L3MBTL3: variants seen among roughly 807,000 people sequenced by gnomAD.
L3MBTL3 encodes L3MBTL histone methyl-lysine binding protein 3.
In L3MBTL3, 27 loss-of-function variants were observed where a neutral mutation model predicts 102.3. The ratio of observed to expected loss-of-function variants is 0.26; its 90% CI spans 0.19 to 0.36. The LOEUF (loss-of-function observed/expected upper bound fraction) is 0.36. Among genes scored for constraint, L3MBTL3 ranks in the 10% least tolerant of loss-of-function variants. The pLI, the probability that L3MBTL3 is intolerant of heterozygous loss-of-function variation, is 1.00. For missense variants in L3MBTL3, 798 were observed against 955.3 expected (o/e 0.84, Z 2.17); for synonymous variants, 340 against 320.9 (o/e 1.06, Z -0.64).
chr6:130,059,623 A>G (rs970106447), intron 9 of L3MBTL3, among the ~76,000 whole-genome samples: 2 of 152,204 alleles, frequency 1.3e-5, no homozygotes, highest in Non-Finnish European at 2.9e-5. Context: ...GATTGATTTT[A>G]TGAAATTGCT....
chr6:130,066,494 G>A lies in L3MBTL3; in HGVS notation c.1000+6G>A. The A allele has an allele frequency of 8.1e-6, 13 of 1,604,838 alleles. No individual in the cohort carries two copies. The highest frequency in any genetic ancestry group is 1.0e-5 in the Non-Finnish European group (12 of 1,176,236). On this transcript the variant is annotated splice_donor_region_variant and intron_variant, in intron 11 of 22. Transcript: ENST00000361794. Reference sequence around the variant, plus strand: ...CAAACTCCATCCTCCAAAAGGTTTTGTCACTTTTTGTTTGATATTTTAAAT... The same window carrying A: ...CAAACTCCATCCTCCAAAAGGTTTTATCACTTTTTGTTTGATATTTTAAAT...
chr6:130,111,379 C>T (rs758694308), intron 19 of L3MBTL3, among the ~76,000 whole-genome samples: 9 of 152,138 alleles, frequency 5.9e-5, no homozygotes, highest in Non-Finnish European at 1.2e-4. Flanking sequence ...GTTAATTCCC[C>T]AGCACATCCT....
At chr6:130,053,541 A>C (rs1466275877) in intron 7 of L3MBTL3, among the ~76,000 whole-genome samples, 1 of 151,586 alleles carries the variant, frequency 6.6e-6, no homozygotes, top group Non-Finnish European at 1.5e-5. Flanking sequence ...AGGCTGAGGC[A>C]GGAGAATGGC....
rs532949548 is a variant in L3MBTL3 at position 130,081,309 on chromosome 6, A to G, written c.1322-2311A>G. Among the ~76,000 whole-genome samples the G allele has an allele frequency of 1.3e-4, 20 of 152,286 alleles. No homozygotes were observed. In the South Asian group the frequency reaches 4.1e-3, roughly 32 times the overall value. ...TCACACACATGCATGCGTACACCTCAGTTTGTTTCATTTAGTAGAATGTTC... is the reference window on the plus strand; with the variant it reads ...TCACACACATGCATGCGTACACCTCGGTTTGTTTCATTTAGTAGAATGTTC... On this transcript the variant is annotated intron_variant, in intron 14 of 22. Transcript: ENST00000361794.
intron 19 of L3MBTL3, 30 bp downstream of exon 19, chr6:130,104,605 T>G (rs1428655461): frequency 3.4e-6 from 5 of 1,456,054 alleles, no homozygotes. Flanking sequence ...TAGCATTGTT[T>G]AGAAGTACTC....
chr6:130,064,760 C>G (rs1483757372), intron 10 of L3MBTL3, among the ~76,000 whole-genome samples: 2 of 151,972 alleles, frequency 1.3e-5, no homozygotes, highest in African/African-American at 4.8e-5. Flanking sequence ...TGACTGTGGG[C>G]AAGGAGGGTG....
chr6:130,053,078 T>A (rs1012921048), intron 7 of L3MBTL3, 87 bp downstream of exon 7: 6 of 1,008,286 alleles, frequency 6.0e-6, no homozygotes, highest in Non-Finnish European at 9.1e-6. Flanking sequence ...TGGAGCCCAC[T>A]GAGTTCAAAT....
At chr6:130,105,316 A>G (rs1784919707) in intron 19 of L3MBTL3, among the ~76,000 whole-genome samples, 1 of 152,334 alleles carries the variant, frequency 6.6e-6, no homozygotes, top group African/African-American at 2.4e-5. Flanking sequence ...ATTTAAATCA[A>G]TGCATTGTCA....
chr6:130,061,430 C>G (rs1338468379), intron 10 of L3MBTL3, among the ~76,000 whole-genome samples: 1 of 152,178 alleles, frequency 6.6e-6, no homozygotes, highest in Non-Finnish European at 1.5e-5. Context: ...AGGCAGAACC[C>G]TTTCCCTCCC....
chr6:130,096,143 G>A (rs367545811), intron 18 of L3MBTL3, among the ~76,000 whole-genome samples: 2 of 152,116 alleles, frequency 1.3e-5, no homozygotes, highest in African/African-American at 2.4e-5. Flanking sequence ...GAGGCCACGG[G>A]GGGTACTGGG....
At chr6:130,028,425 A>T (rs1779493823) in intron 2 of L3MBTL3, among the ~76,000 whole-genome samples, 1 of 152,200 alleles carries the variant, frequency 6.6e-6, no homozygotes, top group South Asian at 2.1e-4. Flanking sequence ...ATTAGTTCAC[A>T]CTCAGGTGTC....
intron 18 of L3MBTL3, 81 bp downstream of exon 18, chr6:130,094,448 A>G: frequency 1.3e-6 from 1 of 752,816 alleles, no homozygotes; most frequent in East Asian, 3.1e-5. Flanking sequence ...TATATACTAA[A>G]TTGATGTGAA....
chr6:130,095,736 C>T (rs1784323667), intron 18 of L3MBTL3, among the ~76,000 whole-genome samples: 1 of 152,102 alleles, frequency 6.6e-6, no homozygotes, highest in Admixed American at 6.5e-5. Context: ...CAGCATATGG[C>T]GAGGGCTTTC....
At chr6:130,101,170 G>T (rs1422445893) in intron 18 of L3MBTL3, among the ~76,000 whole-genome samples, 1 of 152,080 alleles carries the variant, frequency 6.6e-6, no homozygotes, top group Non-Finnish European at 1.5e-5. Context: ...AGTCAAAGAT[G>T]GTGAAGACCT....
chr6:130,137,391 T>C (rs1582671469), intron 22 of L3MBTL3, among the ~76,000 whole-genome samples: 1 of 152,348 alleles, frequency 6.6e-6, no homozygotes, highest in South Asian at 2.1e-4. Context: ...TGGTCACTGT[T>C]GTTCTTAGGA....
At chr6:130,027,762 CAA>C (rs1446290508) in intron 2 of L3MBTL3, among the ~76,000 whole-genome samples, 5 of 152,070 alleles carry the variant, frequency 3.3e-5, no homozygotes, top group Admixed American at 6.5e-5. Context: ...TAAAAAAGAA[CAA>C]GAGAGTACTT....
At chr6:130,050,072 A>G (rs1219781051) in intron 5 of L3MBTL3, among the ~76,000 whole-genome samples, 1 of 152,044 alleles carries the variant, frequency 6.6e-6, no homozygotes, top group African/African-American at 2.4e-5. Flanking sequence ...TCTATCTATC[A>G]TCTTTGCCAT....
At chr6:130,111,219 G>A (rs9492456) in intron 19 of L3MBTL3, among the ~76,000 whole-genome samples, 15 of 152,272 alleles carry the variant, frequency 9.9e-5, no homozygotes, top group African/African-American at 3.1e-4. Flanking sequence ...TGTCACGCTG[G>A]TTACCACCAT....
chr6:130,121,028 G>T, intron 20 of L3MBTL3, 70 bp downstream of exon 20: 1 of 887,424 alleles, frequency 1.1e-6, no homozygotes, highest in South Asian at 1.6e-5. Flanking sequence ...GCCTTAACTG[G>T]AATACAACAG....
Sources: gnomAD v4.1 joint callset for allele counts (sites outside exome capture counted in the v4.1 genomes callset) on GRCh38, gnomAD v4.1.1 for gene constraint, MANE v1.5 for transcripts, NCBI Gene and HGNC (gene_info 2026-07-23, HGNC 2026-07-21) for gene names.